Variants in WDR33 observed in about 807,000 individuals in gnomAD.
WDR33 encodes WD repeat domain 33, also known as pre-mRNA 3' end processing protein WDR33.
In WDR33, 47 loss-of-function variants were observed where a neutral mutation model predicts 164.9. That is an observed-to-expected ratio of 0.29 (90% CI 0.23 to 0.36). WDR33 has a LOEUF of 0.36. Ranked by LOEUF, WDR33 falls within the 10% of genes least tolerant of loss-of-function variation. The probability of loss-of-function intolerance (pLI) is 1.00; values close to 1 mark genes in which losing one functional copy is unlikely to be tolerated. For missense variants in WDR33, 1,137 were observed against 1,754.1 expected (o/e 0.65, Z 6.28); for synonymous variants, 505 against 589.0 (o/e 0.86, Z 2.06).
Position 127,706,689 on chromosome 2 carries a change from G to C in WDR33, c.3782-137C>G, listed in dbSNP as rs563634021. The stretch of plus-strand genomic sequence containing the variant: ...AGGGAGACTGGCAGTGGTATTCAGC[G>C]TACTGAGAGGTGTGCCTCTACCCTT... On this transcript the variant is annotated intron_variant, in intron 21 of 21. Coordinates refer to ENST00000322313, the MANE Select transcript of WDR33 (RefSeq NM_018383.5). The surrounding 1 kb of genome is among the most constrained non-coding windows in gnomAD (Gnocchi z 5.1). 1.3e-6 allele frequency: 1 copy of C among 750,796 alleles called. No individual in the cohort carries two copies. The highest frequency in any genetic ancestry group is 2.0e-5 in the South Asian group (1 of 50,998). 46.5% of individuals were successfully genotyped at this position (750,796 alleles called of 1,614,324 possible).
intron 1 of WDR33, among the ~76,000 whole-genome samples, chr2:127,796,916 G>A (rs550111290): frequency 6.6e-6 from 1 of 152,060 alleles, no homozygotes; most frequent in African/African-American, 2.4e-5. Context: ...GTTTCCCCAA[G>A]GTCAAACCAT....
chr2:127,786,844 C>CTTTTTTTTTTTTTTTTTTT (rs71307273), intron 1 of WDR33, among the ~76,000 whole-genome samples: 11 of 111,840 alleles, frequency 9.8e-5, no homozygotes, highest in Admixed American at 2.8e-4. Context: ...CCTTTCTGTT[C>CTTTTTTTTTTTTTTTTTTT]TTTTTTTTTT....
intron 7 of WDR33, among the ~76,000 whole-genome samples, chr2:127,761,310 C>T (rs987706834): frequency 3.3e-5 from 5 of 152,050 alleles, no homozygotes; most frequent in African/African-American, 1.2e-4. Flanking sequence ...ACACCAGTCT[C>T]CTGCCTCAGC....
intron 7 of WDR33, among the ~76,000 whole-genome samples, chr2:127,745,439 G>T (rs1343925209): frequency 6.6e-6 from 1 of 152,098 alleles, no homozygotes; most frequent in African/African-American, 2.4e-5. Context: ...AAAGAAATAT[G>T]GCGGAGTGAA....
intron 1 of WDR33, among the ~76,000 whole-genome samples, chr2:127,800,538 GAGGC>G (rs1689198713): frequency 6.6e-6 from 1 of 151,402 alleles, no homozygotes; most frequent in Non-Finnish European, 1.5e-5. Flanking sequence ...TCGAGAGGCT[GAGGC>G]AGGAGAATGG....
At chr2:127,733,398 G>C (rs1686759574) in intron 7 of WDR33, among the ~76,000 whole-genome samples, 1 of 152,156 alleles carries the variant, frequency 6.6e-6, no homozygotes, top group Non-Finnish European at 1.5e-5. Flanking sequence ...AGATTCAGCA[G>C]TACGACTTGG....
chr2:127,756,684 T>C (rs1330629739), intron 7 of WDR33, among the ~76,000 whole-genome samples: 1 of 152,126 alleles, frequency 6.6e-6, no homozygotes, highest in Non-Finnish European at 1.5e-5. Context: ...AACAGACAAC[T>C]ACAGAATAAA....
intron 1 of WDR33, among the ~76,000 whole-genome samples, chr2:127,786,836 T>TTTCTG (rs1403601015): frequency 7.1e-6 from 1 of 141,018 alleles, no homozygotes; most frequent in Non-Finnish European, 1.5e-5. Context: ...TATTTCTTCC[T>TTTCTG]TTCTGTTCTT....
Position 127,717,289 on chromosome 2 carries a change from G to C in WDR33, c.2761-26C>G. Reference sequence around the variant, plus strand: ...CTGAAAATATGTTTTTAAAGTAAGGGTATGAAATCACAGGCTTGAGCTACA... The same window carrying C: ...CTGAAAATATGTTTTTAAAGTAAGGCTATGAAATCACAGGCTTGAGCTACA... On this transcript the variant is annotated intron_variant, in intron 16 of 21. Transcript: ENST00000322313. This position sits in a 1 kb window ranked among gnomAD's most constrained non-coding sequence, Gnocchi z 5.6. 1 of 1,527,954 alleles carries C rather than the reference G, an allele frequency of 6.5e-7. No individual in the cohort carries two copies. The highest frequency in any genetic ancestry group is 1.2e-5 in the South Asian group (1 of 80,408). The allele number at this position is 1,527,954 out of a possible 1,614,324, so 94.6% of individuals were successfully genotyped here. A position where few individuals can be genotyped will look rare whatever the true frequency, so the allele number is the denominator to read the frequency against.
Position 127,763,039 on chromosome 2 carries a change from A to G in WDR33, c.724+23T>C. On this transcript the variant is annotated intron_variant, in intron 7 of 21. Coordinates refer to ENST00000322313, the MANE Select transcript of WDR33 (RefSeq NM_018383.5). The surrounding 1 kb of genome is among the most constrained non-coding windows in gnomAD (Gnocchi z 4.5). Reference sequence around the variant, plus strand: ...ATGTCTTCCCTATTTAAATATTCCAATCAGTACTGTTAGTACACGTACCTC... The same window carrying G: ...ATGTCTTCCCTATTTAAATATTCCAGTCAGTACTGTTAGTACACGTACCTC... 1.2e-6 allele frequency: 2 copies of G among 1,613,918 alleles called. No homozygotes were observed. The highest frequency in any genetic ancestry group is 1.7e-6 in the Non-Finnish European group (2 of 1,179,848).
At position 127,702,167 on chromosome 2, in the gene WDR33, G is replaced by T; in HGVS notation, c.*4156C>A. ...GCGGCGCCGGCCTCGCCAAGGTGCT[G>T]CCCGTGTGAGGACCTCGCGCCCTCG... On this transcript the variant is annotated 3_prime_UTR_variant, in exon 22 of 22. Transcript: ENST00000322313. 14 of 1,214,498 alleles carry T rather than the reference G, an allele frequency of 1.2e-5. No homozygotes were observed. Among genetic ancestry groups the T allele is most frequent in the Non-Finnish European group, 1.3e-5 (13 of 976,826 alleles). The allele number at this position is 1,214,498 out of a possible 1,614,324, so 75.2% of individuals were successfully genotyped here. A position where few individuals can be genotyped will look rare whatever the true frequency, so the allele number is the denominator to read the frequency against.
At position 127,718,997 on chromosome 2, in the gene WDR33, T is replaced by C. The variant is rs979511293; in HGVS notation, c.2760+268A>G. Among the ~76,000 whole-genome samples the C allele has an allele frequency of 6.6e-6, 1 of 152,060 alleles. No homozygotes were observed. Among genetic ancestry groups the C allele is most frequent in the African/African-American group, 2.4e-5 (1 of 41,390 alleles). On this transcript the variant is annotated intron_variant, in intron 16 of 21. Coordinates refer to ENST00000322313, the MANE Select transcript of WDR33 (RefSeq NM_018383.5). This position sits in a 1 kb window ranked among gnomAD's most constrained non-coding sequence, Gnocchi z 4.4. ...ATTATCAGCTGTACTCAAATGAGAGTTGACCTTTTCTGAAGAAACTCTATT... is the reference window on the plus strand; with the variant it reads ...ATTATCAGCTGTACTCAAATGAGAGCTGACCTTTTCTGAAGAAACTCTATT...
intron 7 of WDR33, among the ~76,000 whole-genome samples, chr2:127,731,759 A>T (rs1159378265): frequency 1.3e-5 from 2 of 152,180 alleles, no homozygotes; most frequent in African/African-American, 4.8e-5. Flanking sequence ...ATAGGACTGT[A>T]GACCTAAAAA....
intron 18 of WDR33, among the ~76,000 whole-genome samples, chr2:127,711,780 A>ATATATTTTTTTTTTTTTTTTTTTTT: frequency 2.3e-5 from 2 of 88,318 alleles, no homozygotes; most frequent in African/African-American, 6.5e-5. Context: ...ATATATATAT[A>ATATATTTTTTTTTTTTTTTTTTTTT]TTTTTTTTTT....
At chr2:127,780,237 T>C (rs1688325445) in intron 1 of WDR33, among the ~76,000 whole-genome samples, 2 of 152,088 alleles carry the variant, frequency 1.3e-5, no homozygotes, top group Admixed American at 1.3e-4. Context: ...CCTCCCAAAG[T>C]GTAAAAATAA....
chr2:127,799,016 T>G lies in WDR33; in HGVS notation c.-24+11996A>C, dbSNP rs2104674224. On this transcript the variant is annotated intron_variant, in intron 1 of 21. Coordinates refer to ENST00000322313, the MANE Select transcript of WDR33 (RefSeq NM_018383.5). ...GACCAGCCAAAAGCTTATAGCTTTC[T>G]AACCACAAGGTCAAACTCACTATAG... 3 of 152,246 alleles carry G rather than the reference T, an allele frequency of 2.0e-5. No homozygotes were observed. The South Asian group carries it at 6.2e-4, about 32-fold the overall frequency. 9.4% of individuals were successfully genotyped at this position (152,246 alleles called of 1,614,324 possible).
At chr2:127,771,055 G>T in intron 1 of WDR33, 51 bp from the exon 2 acceptor site, 1 of 1,350,468 alleles carries the variant, frequency 7.4e-7, no homozygotes, top group South Asian at 1.3e-5. Context: ...CTGCAACACT[G>T]CCTGAAAACA....
In WDR33 at chr2:127,722,913, GA is replaced by G. The variant is rs776976397; in HGVS notation, c.1378+44del. The G allele has an allele frequency of 1.3e-6, 2 of 1,552,632 alleles. No individual in the cohort carries two copies. Among genetic ancestry groups the G allele is most frequent in the Non-Finnish European group, 1.7e-6 (2 of 1,148,350 alleles). ...TTTATCAGGAACATAAACGGGTCAA[GA>G]AAAAATTTGTAAAAATTAAATGTGT... On this transcript the variant is annotated intron_variant, in intron 13 of 21. Transcript: ENST00000322313. The surrounding 1 kb of genome is among the most constrained non-coding windows in gnomAD (Gnocchi z 5.1).
chr2:127,809,836 A>C (rs533482249), intron 1 of WDR33, among the ~76,000 whole-genome samples: 1 of 152,322 alleles, frequency 6.6e-6, no homozygotes, highest in South Asian at 2.1e-4. Flanking sequence ...TGGAACTTCA[A>C]GTCTCAGCAA....
Sources: allele counts gnomAD v4.1 joint callset (sites outside exome capture counted in the v4.1 genomes callset), GRCh38; gene constraint gnomAD v4.1.1; non-coding constraint Gnocchi (gnomAD v3.1); transcripts MANE v1.5; gene names NCBI Gene and HGNC (gene_info 2026-07-23, HGNC 2026-07-21).